SLCO4C1: variants seen among roughly 807,000 people sequenced by gnomAD.
SLCO4C1 encodes the protein solute carrier organic anion transporter family member 4C1.
Under a neutral mutation model 72.1 loss-of-function variants are expected in SLCO4C1, and 58 were observed. The observed-to-expected ratio is 0.80, with a 90% CI of 0.65 to 1.00. The LOEUF (loss-of-function observed/expected upper bound fraction) is 1.00. SLCO4C1 is among the 50% of genes least tolerant of loss of function. The pLI is 0.00. For missense variants in SLCO4C1, 898 were observed against 857.9 expected (o/e 1.05, Z -0.58); for synonymous variants, 297 against 312.5 (o/e 0.95, Z 0.52).
At chr5:102,239,110 T>G (rs1160042870) in intron 12 of SLCO4C1, 141 bp downstream of exon 12, 21 of 623,592 alleles carry the variant, frequency 3.4e-5, no homozygotes, top group Non-Finnish European at 3.7e-5. Context: ...AAATGTTCTC[T>G]GCTTCAGGAA....
chr5:102,257,361 C>T (rs1402572328), intron 7 of SLCO4C1, 51 bp from the exon 8 acceptor site: 18 of 1,366,696 alleles, frequency 1.3e-5, no homozygotes, highest in Non-Finnish European at 1.8e-5. Context: ...CATATACTCA[C>T]TCATACTGAC....
At chr5:102,250,618 C>A (rs1307034269) in intron 8 of SLCO4C1, among the ~76,000 whole-genome samples, 2 of 152,142 alleles carry the variant, frequency 1.3e-5, no homozygotes. Context: ...TTTAGAAGCA[C>A]CAAGGAAGGA....
rs1462675414 is a variant in SLCO4C1, at chr5:102,249,648, C to A, written c.1610G>T (p.Arg537Met). ...GGAGACATAAGCTACCTTTGGCTTCCTGTGTGCAACTGGGTTTGAACAGCC... is the reference window on the plus strand; with the variant it reads ...GGAGACATAAGCTACCTTTGGCTTCATGTGTGCAACTGGGTTTGAACAGCC... ...FAGCSNPVAHRKPKVYYNCSC... is the reference protein window; with the variant it reads ...FAGCSNPVAHMKPKVYYNCSC... Residue 537 changes from arginine to methionine, a missense_variant, in exon 9 of 13, where the codon AGG becomes ATG. Physicochemically the swap from Arg to Met is moderately conservative, Grantham distance 91. Transcript: ENST00000310954. 29 of 1,613,460 alleles carry A rather than the reference C, an allele frequency of 1.8e-5. No individual in the cohort carries two copies. Among genetic ancestry groups the A allele is most frequent in the Non-Finnish European group, 2.4e-5 (28 of 1,179,854 alleles).
chr5:102,285,605 A>T (rs906973898), intron 2 of SLCO4C1, among the ~76,000 whole-genome samples: 3 of 152,194 alleles, frequency 2.0e-5, no homozygotes, highest in Non-Finnish European at 2.9e-5. Context: ...CATATTATCT[A>T]GGAAGTATGA....
In SLCO4C1 at chr5:102,296,257, C is replaced by T; in HGVS notation, c.6G>A (p.Lys2=). 2 of 1,531,650 alleles carry T rather than the reference C, an allele frequency of 1.3e-6. No individual in the cohort carries two copies. Among genetic ancestry groups the T allele is most frequent in the Non-Finnish European group, 1.8e-6 (2 of 1,140,638 alleles). The allele number at this position is 1,531,650 out of a possible 1,614,324, so 94.9% of individuals were successfully genotyped here. The change falls in exon 1 of 13, where the codon AAG becomes AAA. Residue 2 remains lysine (K), a synonymous_variant. Transcript: ENST00000310954. The part of the protein sequence containing the change: M[K]SAKGIENLAF... ...CCAAGTTCTCAATACCTTTGGCGCTCTTCATGTCTGGATGGGTTCTCCCGA... is the reference window on the plus strand; with the variant it reads ...CCAAGTTCTCAATACCTTTGGCGCTTTTCATGTCTGGATGGGTTCTCCCGA...
At chr5:102,266,024 C>A (rs923055377) in intron 3 of SLCO4C1, among the ~76,000 whole-genome samples, 1 of 151,976 alleles carries the variant, frequency 6.6e-6, no homozygotes, top group Admixed American at 6.6e-5. Context: ...AAGATTCTCG[C>A]CTCCTGGGTT....
chr5:102,293,464 C>T (rs1380763086), intron 1 of SLCO4C1, among the ~76,000 whole-genome samples: 1 of 151,980 alleles, frequency 6.6e-6, no homozygotes, highest in Non-Finnish European at 1.5e-5. Context: ...AATCAGGAAA[C>T]GCTCCATACT....
At chr5:102,260,525 A>G (rs1450276149) in intron 5 of SLCO4C1, among the ~76,000 whole-genome samples, 1 of 151,500 alleles carries the variant, frequency 6.6e-6, no homozygotes, top group African/African-American at 2.4e-5. Context: ...AAAATTGTTC[A>G]AATATGTAAA....
Position 102,260,316 on chromosome 5 carries a change from G to A in SLCO4C1, c.1025C>T (p.Thr342Ile), listed in dbSNP as rs1262571347. The change falls in exon 6 of 13, where the codon ACA becomes ATA. Residue 342 changes from threonine to isoleucine, a missense_variant. Transcript: ENST00000310954. ...AGTTTTTCCAGCTTGAATTTCTGCTGTACCTAAAAAAAAAATATATATATA... is the reference window on the plus strand; with the variant it reads ...AGTTTTTCCAGCTTGAATTTCTGCTATACCTAAAAAAAAAATATATATATA... Reference protein sequence around the residue: ...FSCFPKHLPGTAEIQAGKTSQ... With the variant: ...FSCFPKHLPGIAEIQAGKTSQ... 9 of 959,094 alleles carry A rather than the reference G, an allele frequency of 9.4e-6. No individual in the cohort carries two copies. The highest frequency in any genetic ancestry group is 1.2e-5 in the Non-Finnish European group (9 of 752,208). 59.4% of individuals were successfully genotyped at this position (959,094 alleles called of 1,614,324 possible). A position where few individuals can be genotyped will look rare whatever the true frequency, so the allele number is the denominator to read the frequency against.
intron 3 of SLCO4C1, among the ~76,000 whole-genome samples, chr5:102,264,081 A>C (rs533331794): frequency 3.3e-5 from 5 of 152,110 alleles, no homozygotes; most frequent in Non-Finnish European, 7.4e-5. Flanking sequence ...TCCTTTACTG[A>C]TAGTGATCAT....
intron 2 of SLCO4C1, among the ~76,000 whole-genome samples, chr5:102,289,412 G>A (rs1749514880): frequency 6.6e-6 from 1 of 152,154 alleles, no homozygotes; most frequent in African/African-American, 2.4e-5. Flanking sequence ...AAGTATTTAC[G>A]TTTCAGTTTA....
At chr5:102,248,541 G>T (rs768477484) in intron 9 of SLCO4C1, among the ~76,000 whole-genome samples, 2 of 152,046 alleles carry the variant, frequency 1.3e-5, no homozygotes, top group Non-Finnish European at 2.9e-5. Flanking sequence ...CCCTTGTGCA[G>T]GATGGTATTT....
rs973205117 is a variant in SLCO4C1, at chr5:102,261,970, T to C, written c.963A>G (p.Ser321=). The C allele has an allele frequency of 6.2e-7, 1 of 1,613,226 alleles. No homozygotes were observed. The highest frequency in any genetic ancestry group is 1.7e-4 in the Middle Eastern group (1 of 6,050). The change falls in exon 5 of 13, where the codon TCA becomes TCG. Residue 321 remains serine (S), a synonymous_variant. Transcript: ENST00000310954. Reference sequence around the variant, plus strand: ...TTATTAAAGACCAAGCAAAGATCCATGATAGAAGAAACCCAATCCACCAAG... The same window carrying C: ...TTATTAAAGACCAAGCAAAGATCCACGATAGAAGAAACCCAATCCACCAAG... ...LGAWWIGFLL[S]WIFAWSLIIP... is the part of the protein sequence containing the mutation.
intron 2 of SLCO4C1, among the ~76,000 whole-genome samples, chr5:102,276,200 GAC>G (rs1749243796): frequency 6.6e-6 from 1 of 152,126 alleles, no homozygotes; most frequent in Non-Finnish European, 1.5e-5. Flanking sequence ...GCCCTGGAAG[GAC>G]ACAGAATATC....
intron 10 of SLCO4C1, among the ~76,000 whole-genome samples, chr5:102,246,097 T>G (rs1348466231): frequency 6.6e-6 from 1 of 151,474 alleles, no homozygotes; most frequent in African/African-American, 2.4e-5. Flanking sequence ...TTCAAATAAA[T>G]AATCTAATGA....
chr5:102,289,125 C>T (rs193293808), intron 2 of SLCO4C1, among the ~76,000 whole-genome samples: 1 of 152,198 alleles, frequency 6.6e-6, no homozygotes, highest in East Asian at 1.9e-4. Flanking sequence ...TTAGATCAGC[C>T]AATTCCTCTA....
At chr5:102,295,869 C>T (rs1352767931) in intron 1 of SLCO4C1, 39 bp downstream of exon 1, 3 of 1,558,814 alleles carry the variant, frequency 1.9e-6, no homozygotes, top group Non-Finnish European at 1.7e-6. Context: ...CCACCTCGCT[C>T]TCCACTGGCC....
intron 1 of SLCO4C1, among the ~76,000 whole-genome samples, chr5:102,292,352 A>G (rs1301614351): frequency 6.6e-6 from 1 of 152,168 alleles, no homozygotes; most frequent in African/African-American, 2.4e-5. Context: ...GAGACCCCAT[A>G]GGCCACTACA....
In SLCO4C1 at chr5:102,270,811, G is replaced by T; in HGVS notation, c.620-5C>A. 2 of 1,460,536 alleles carry T rather than the reference G, an allele frequency of 1.4e-6. No individual in the cohort carries two copies. Among genetic ancestry groups the T allele is most frequent in the Non-Finnish European group, 1.8e-6 (2 of 1,112,478 alleles). The allele number at this position is 1,460,536 out of a possible 1,614,324, so 90.5% of individuals were successfully genotyped here. On this transcript the variant is annotated splice_polypyrimidine_tract_variant and splice_region_variant and intron_variant, in intron 2 of 12. Coordinates refer to ENST00000310954, the MANE Select transcript of SLCO4C1 (RefSeq NM_180991.5). ...TCCTTGTTGTTACACAAGTGTCTTT[G>T]TGGAAAAAAAAATTGTGAATTTATA...
Sources: allele counts gnomAD v4.1 joint callset (sites outside exome capture counted in the v4.1 genomes callset), GRCh38; gene constraint gnomAD v4.1.1; transcripts MANE v1.5; gene names NCBI Gene and HGNC (gene_info 2026-07-23, HGNC 2026-07-21).